ADGRB3: variants seen among roughly 807,000 people sequenced by gnomAD.
The protein encoded by ADGRB3 is adhesion G protein-coupled receptor B3.
ADGRB3 carries 37 observed loss-of-function variants against 193.4 expected under a neutral mutation model. The ratio of observed to expected loss-of-function variants is 0.19; its 90% CI spans 0.15 to 0.25. ADGRB3 has a LOEUF of 0.25. Among genes scored for constraint, ADGRB3 ranks in the 10% least tolerant of loss-of-function variants. ADGRB3 has a pLI of 1.00. For synonymous variants in ADGRB3, 690 were observed against 644.2 expected (o/e 1.07, Z -1.08); for missense variants, 1,637 against 1,852.9 (o/e 0.88, Z 2.14).
intron 26 of ADGRB3, among the ~76,000 whole-genome samples, chr6:69,352,705 T>C (rs1043022952): frequency 6.6e-6 from 1 of 152,202 alleles, no homozygotes; most frequent in Non-Finnish European, 1.5e-5. Context: ...GGAGAGAGGC[T>C]ACTAATGACT....
At chr6:69,156,946 T>C (rs1436957719) in intron 17 of ADGRB3, among the ~76,000 whole-genome samples, 1 of 152,218 alleles carries the variant, frequency 6.6e-6, no homozygotes, top group Non-Finnish European at 1.5e-5. Flanking sequence ...CCCAGTATAA[T>C]TAGCCTTCCA....
In ADGRB3 at chr6:68,804,097, A is replaced by G. The variant is rs115641703; in HGVS notation, c.758-126462A>G. ...AATCATTTCACTCTCTTTGTGAAGTATTCTCAGTAGCTTCCCATTGCCTGT... is the reference window on the plus strand; with the variant it reads ...AATCATTTCACTCTCTTTGTGAAGTGTTCTCAGTAGCTTCCCATTGCCTGT... On this transcript the variant is annotated intron_variant, in intron 3 of 31. Coordinates refer to ENST00000370598, the MANE Select transcript of ADGRB3 (RefSeq NM_001704.3). 7.0e-3 allele frequency among the ~76,000 whole-genome samples: 1,062 copies of G among 152,286 alleles called. 20 individuals are homozygous for G. Among genetic ancestry groups the G allele is most frequent in the African/African-American group, 0.025 (1,019 of 41,564 alleles).
intron 17 of ADGRB3, among the ~76,000 whole-genome samples, chr6:69,186,792 C>T (rs1765080232): frequency 6.6e-6 from 1 of 151,742 alleles, no homozygotes; most frequent in Non-Finnish European, 1.5e-5. Flanking sequence ...CAATGTGTGT[C>T]TGAATTTGTG....
intron 17 of ADGRB3, among the ~76,000 whole-genome samples, chr6:69,229,493 C>T (rs1766088627): frequency 1.3e-5 from 2 of 151,946 alleles, no homozygotes; most frequent in African/African-American, 4.8e-5. Context: ...AAATGTATTC[C>T]TAATATCCCA....
In ADGRB3 at chr6:68,666,594, T is replaced by C. The variant is rs77794533; in HGVS notation, c.757+27162T>C. ...TTTTGTAAATGCTCATTGTAAAGTCTATCAAGATATTTTGAGAAAAATTTT... is the reference window on the plus strand; with the variant it reads ...TTTTGTAAATGCTCATTGTAAAGTCCATCAAGATATTTTGAGAAAAATTTT... On this transcript the variant is annotated intron_variant, in intron 3 of 31. Transcript: ENST00000370598. Among the ~76,000 whole-genome samples, 871 of 151,998 alleles carry C rather than the reference T, an allele frequency of 5.7e-3. 7 individuals carry two copies. Among genetic ancestry groups the C allele is most frequent in the African/African-American group, 0.019 (789 of 41,518 alleles).
chr6:69,345,986 G>T (rs1769080043), intron 26 of ADGRB3, among the ~76,000 whole-genome samples: 1 of 152,156 alleles, frequency 6.6e-6, no homozygotes, highest in African/African-American at 2.4e-5. Flanking sequence ...GCCAAATTAT[G>T]AGTGAACTCC....
At chr6:68,831,365 T>C (rs1343131838) in intron 3 of ADGRB3, among the ~76,000 whole-genome samples, 6 of 151,488 alleles carry the variant, frequency 4.0e-5, no homozygotes, top group African/African-American at 1.2e-4. Context: ...ATTTGAAGTA[T>C]TCCAGATTTT....
At chr6:68,913,296 A>C (rs1231756818) in intron 3 of ADGRB3, among the ~76,000 whole-genome samples, 1 of 152,064 alleles carries the variant, frequency 6.6e-6, no homozygotes, top group Non-Finnish European at 1.5e-5. Context: ...GGCACCCCCC[A>C]GTAAGGGCAG....
At chr6:69,031,201 G>A (rs1770671460) in intron 13 of ADGRB3, among the ~76,000 whole-genome samples, 1 of 150,842 alleles carries the variant, frequency 6.6e-6, no homozygotes, top group African/African-American at 2.4e-5. Flanking sequence ...AGCACTTTGG[G>A]AGGCCGAGGC....
intron 20 of ADGRB3, among the ~76,000 whole-genome samples, chr6:69,307,004 C>T (rs1240044619): frequency 4.0e-5 from 6 of 151,354 alleles, no homozygotes; most frequent in Non-Finnish European, 1.5e-5. Context: ...ATGCCTGCTA[C>T]ACCCTTACTC....
chr6:68,646,369 C>T (rs1768214518), intron 3 of ADGRB3, among the ~76,000 whole-genome samples: 1 of 150,246 alleles, frequency 6.7e-6, no homozygotes, highest in Non-Finnish European at 1.5e-5. Flanking sequence ...CCCGACTTCT[C>T]AGGAGGCTGA....
At chr6:69,342,475 AAGGATTTTAC>A (rs1379793940) in intron 26 of ADGRB3, among the ~76,000 whole-genome samples, 1 of 152,106 alleles carries the variant, frequency 6.6e-6, no homozygotes, top group East Asian at 1.9e-4. Context: ...CCTTATTTAG[AAGGATTTTAC>A]AGATCCCAAG....
At chr6:68,912,034 T>A (rs1189112017) in intron 3 of ADGRB3, among the ~76,000 whole-genome samples, 2 of 152,138 alleles carry the variant, frequency 1.3e-5, no homozygotes, top group Admixed American at 1.3e-4. Flanking sequence ...ATTTGTATGA[T>A]TCAGTTGTGA....
Position 68,993,682 on chromosome 6 carries a change from A to G in ADGRB3, c.1735-86A>G, listed in dbSNP as rs575316780. On this transcript the variant is annotated intron_variant, in intron 10 of 31. Transcript: ENST00000370598. ...AAGGCTATTTTAAGTTAATTGAGCA[A>G]TTTTAAATAAAGTTGTTTGATGAAG... The G allele has an allele frequency of 1.3e-4, 176 of 1,390,814 alleles. 1 individual carries two copies. In the African/African-American group the frequency reaches 2.3e-3, roughly 18 times the overall value. 86.2% of individuals were successfully genotyped at this position (1,390,814 alleles called of 1,614,324 possible).
chr6:69,042,493 T>C (rs1212307582), intron 13 of ADGRB3, among the ~76,000 whole-genome samples: 1 of 152,212 alleles, frequency 6.6e-6, no homozygotes, highest in Non-Finnish European at 1.5e-5. Context: ...TACTTAGCAT[T>C]GCTATGTAAA....
rs114127490 is a variant in ADGRB3 at position 68,937,036 on chromosome 6, G to T, written c.1030+356G>T. On this transcript the variant is annotated intron_variant, in intron 5 of 31. Coordinates refer to ENST00000370598, the MANE Select transcript of ADGRB3 (RefSeq NM_001704.3). ...TCTGCCTACATACTAAAAATATAAT[G>T]TATATTCATGGCTTAAGGCAGTGGT... 3.9e-3 allele frequency among the ~76,000 whole-genome samples: 595 copies of T among 152,268 alleles called. 2 individuals carry two copies. The highest frequency in any genetic ancestry group is 0.014 in the African/African-American group (573 of 41,556).
chr6:69,358,985 A>G (rs1466929638), intron 28 of ADGRB3, among the ~76,000 whole-genome samples: 1 of 151,712 alleles, frequency 6.6e-6, no homozygotes, highest in East Asian at 1.9e-4. Flanking sequence ...TGTGTTGGCT[A>G]TAATTATAAA....
intron 20 of ADGRB3, among the ~76,000 whole-genome samples, chr6:69,253,295 C>A (rs181719518): frequency 6.6e-6 from 1 of 151,958 alleles, no homozygotes; most frequent in East Asian, 1.9e-4. Flanking sequence ...AATCTAGGTT[C>A]TTTGGGTATT....
intron 3 of ADGRB3, among the ~76,000 whole-genome samples, chr6:68,728,514 G>T (rs955910195): frequency 6.6e-6 from 1 of 151,238 alleles, no homozygotes; most frequent in Admixed American, 6.6e-5. Flanking sequence ...AAAAACACTC[G>T]TGCACACATA....
Sources: gnomAD v4.1 joint callset for allele counts (sites outside exome capture counted in the v4.1 genomes callset) on GRCh38, gnomAD v4.1.1 for gene constraint, MANE v1.5 for transcripts, NCBI Gene and HGNC (gene_info 2026-07-23, HGNC 2026-07-21) for gene names.